NR1H4: variants seen among roughly 807,000 people sequenced by gnomAD.
The protein encoded by NR1H4 is bile acid receptor.
NR1H4 carries 23 observed loss-of-function variants against 58.5 expected under a neutral mutation model. The ratio of observed to expected loss-of-function variants is 0.39; its 90% CI spans 0.28 to 0.56. The LOEUF is 0.56. NR1H4 is among the 20% of genes least tolerant of loss of function. NR1H4 has a pLI of 0.58. For missense variants in NR1H4, 487 were observed against 576.9 expected, an observed-to-expected ratio of 0.84 and a Z score of 1.60; for synonymous variants, 214 against 198.0, an observed-to-expected ratio of 1.08 and a Z score of -0.68.
At chr12:100,481,744 C>T (rs1427194966) in intron 1 of NR1H4, among the ~76,000 whole-genome samples, 1 of 151,956 alleles carries the variant, frequency 6.6e-6, no homozygotes, top group East Asian at 1.9e-4. Flanking sequence ...GAAACCCCAT[C>T]TCTACTAAAA....
chr12:100,491,487 G>A (rs79912828), intron 1 of NR1H4, among the ~76,000 whole-genome samples: 2,562 of 148,986 alleles, frequency 0.017, 59 homozygotes, highest in African/African-American at 0.054. Context: ...CTCACCTCTG[G>A]GTGGTAGGAA....
chr12:100,482,945 G>C (rs1284959489), intron 1 of NR1H4, among the ~76,000 whole-genome samples: 2 of 152,036 alleles, frequency 1.3e-5, no homozygotes, highest in African/African-American at 4.8e-5. Flanking sequence ...TTATTTATTT[G>C]AGACAGAGTG....
intron 9 of NR1H4, among the ~76,000 whole-genome samples, chr12:100,544,614 T>C (rs899654057): frequency 6.6e-6 from 1 of 152,174 alleles, no homozygotes; most frequent in African/African-American, 2.4e-5. Context: ...TTTCTTCTTT[T>C]TGAGTCAGTA....
At chr12:100,504,356 A>G (rs1261594783) in intron 3 of NR1H4, among the ~76,000 whole-genome samples, 1 of 152,218 alleles carries the variant, frequency 6.6e-6, no homozygotes, top group Non-Finnish European at 1.5e-5. Flanking sequence ...ACTTGGTAGC[A>G]TACCATTTTG....
chr12:100,485,543 T>A (rs1205184753), intron 1 of NR1H4, among the ~76,000 whole-genome samples: 1 of 152,158 alleles, frequency 6.6e-6, no homozygotes, highest in Non-Finnish European at 1.5e-5. Flanking sequence ...TTTTATTTTT[T>A]AATTTTTTTT....
chr12:100,563,357 C>T lies in NR1H4; in HGVS notation c.1299C>T (p.His433=), dbSNP rs1955517042. 6.2e-7 allele frequency: 1 copy of T among 1,614,160 alleles called. No homozygotes were observed. The highest frequency in any genetic ancestry group is 1.6e-4 in the Middle Eastern group (1 of 6,062). Residue 433 remains histidine, a synonymous_variant, in exon 11 of 11, where the codon CAC becomes CAT. Transcript: ENST00000392986. ...TTCACCAGCCTGAAAATCCTCAACA[C>T]TTTGCCTGTCTCCTGGGTCGCCTGA... The part of the protein sequence containing the change: ...CKIHQPENPQ[H]FACLLGRLTE...
chr12:100,499,991 C>A (rs1160710120), intron 3 of NR1H4: 2 of 455,716 alleles, frequency 4.4e-6, no homozygotes, highest in Admixed American at 4.7e-5. Flanking sequence ...ACTCTATTTG[C>A]CACTAAAATT....
Position 100,536,455 on chromosome 12 carries a change from A to G in NR1H4, c.733-57A>G, listed in dbSNP as rs533358839. 4.9e-6 allele frequency: 5 copies of G among 1,010,774 alleles called. No homozygotes were observed. In the East Asian group the frequency reaches 9.5e-5, roughly 19 times the overall value. 62.6% of individuals were successfully genotyped at this position (1,010,774 alleles called of 1,614,324 possible). Reference sequence around the variant, plus strand: ...GGTCCCTCCAGATGAATGCACATATAGAAAGAAGGCTTTATACACATCTTC... The same window carrying G: ...GGTCCCTCCAGATGAATGCACATATGGAAAGAAGGCTTTATACACATCTTC... On this transcript the variant is annotated intron_variant, in intron 6 of 10. Transcript: ENST00000392986.
intron 4 of NR1H4, among the ~76,000 whole-genome samples, chr12:100,513,801 A>AAAGGAAGGAAGG (rs199813041): frequency 3.6e-3 from 418 of 115,936 alleles, no homozygotes; most frequent in Non-Finnish European, 4.7e-3. Context: ...TCAAAGACAG[A>AAAGGAAGGAAGG]AAGGAAGGAA....
At chr12:100,509,785 C>G (rs1331881474) in intron 3 of NR1H4, among the ~76,000 whole-genome samples, 1 of 152,006 alleles carries the variant, frequency 6.6e-6, no homozygotes, top group African/African-American at 2.4e-5. Context: ...GCAAAAACTA[C>G]AAACAGTAAA....
intron 1 of NR1H4, among the ~76,000 whole-genome samples, chr12:100,479,413 A>G (rs1170313964): frequency 6.6e-6 from 1 of 152,202 alleles, no homozygotes; most frequent in African/African-American, 2.4e-5. Context: ...AAGCATAGGC[A>G]ATTTTCTTGC....
chr12:100,561,787 T>C lies in NR1H4; in HGVS notation c.1079-98T>C, dbSNP rs558766544. 2.3e-4 allele frequency: 157 copies of C among 693,956 alleles called. 2 individuals carry two copies. The South Asian group carries it at 2.4e-3, about 11-fold the overall frequency. The allele number at this position is 693,956 out of a possible 1,614,324, so 43.0% of individuals were successfully genotyped here. On this transcript the variant is annotated intron_variant, in intron 9 of 10. Transcript: ENST00000392986. ...TCATTATTTGAATGTGTGCATATAG[T>C]TGCAAAATTACCATGTGTTTATATG... is the stretch of plus-strand genomic sequence containing the variant.
intron 9 of NR1H4, among the ~76,000 whole-genome samples, chr12:100,550,261 G>A (rs1169266977): frequency 6.6e-6 from 1 of 152,052 alleles, no homozygotes; most frequent in East Asian, 1.9e-4. Context: ...TTACAAACTA[G>A]GGGTTTAAGT....
At chr12:100,506,002 AACACACACACACACACACACACAC>A (rs398020830) in intron 3 of NR1H4, among the ~76,000 whole-genome samples, 2 of 141,028 alleles carry the variant, frequency 1.4e-5, no homozygotes, top group Non-Finnish European at 3.1e-5. Flanking sequence ...AAGTGTTTAT[AACACACACACACACACACACACAC>A]ACACACACAC....
chr12:100,553,676 T>C (rs1199263671), intron 9 of NR1H4, among the ~76,000 whole-genome samples: 3 of 152,078 alleles, frequency 2.0e-5, no homozygotes, highest in Admixed American at 6.5e-5. Context: ...GACAGCAGAA[T>C]TGGTTAATTT....
chr12:100,545,491 A>T (rs1955038908), intron 9 of NR1H4, among the ~76,000 whole-genome samples: 1 of 151,532 alleles, frequency 6.6e-6, no homozygotes, highest in African/African-American at 2.4e-5. Flanking sequence ...AAGTTAAAAA[A>T]ATTAGCTGGG....
intron 9 of NR1H4, among the ~76,000 whole-genome samples, chr12:100,547,182 G>C (rs1333707911): frequency 6.6e-6 from 1 of 152,092 alleles, no homozygotes; most frequent in African/African-American, 2.4e-5. Context: ...ATAGGAGTTG[G>C]AGCTCAAGGA....
At chr12:100,510,741 T>C in intron 3 of NR1H4, 37 bp from the exon 4 acceptor site, 1 of 1,612,328 alleles carries the variant, frequency 6.2e-7, no homozygotes, top group Non-Finnish European at 8.5e-7. Context: ...TCCAGAATGA[T>C]GACATTCATT....
Position 100,511,112 on chromosome 12 carries a change from C to T in NR1H4, c.414C>T (p.His138=). 1 of 1,614,236 alleles carries T rather than the reference C, an allele frequency of 6.2e-7. No homozygotes were observed. The highest frequency in any genetic ancestry group is 2.2e-5 in the East Asian group (1 of 44,888). Residue 138 remains histidine, a synonymous_variant, in exon 4 of 11, where the codon CAC becomes CAT. Transcript: ENST00000392986. ...VVCGDRASGY[H]YNALTCEGCK... ...GTGGAGACAGAGCCTCTGGATACCA[C>T]TATAATGCACTGACCTGTGAGGGGT...
Sources: allele counts gnomAD v4.1 joint callset (sites outside exome capture counted in the v4.1 genomes callset), GRCh38; gene constraint gnomAD v4.1.1; transcripts MANE v1.5; gene names NCBI Gene and HGNC (gene_info 2026-07-23, HGNC 2026-07-21).